Variants in TMEM185A observed in about 807,000 individuals in gnomAD.
TMEM185A encodes the protein family with sequence similarity 11, member A.
Under a neutral mutation model 25.0 loss-of-function variants are expected in TMEM185A, and 9 were observed. The ratio of observed to expected loss-of-function variants is 0.36; its 90% CI spans 0.22 to 0.63. The LOEUF (loss-of-function observed/expected upper bound fraction) is 0.63. Ranked by LOEUF, TMEM185A falls within the 20% of genes least tolerant of loss-of-function variation. The pLI, the probability that TMEM185A is intolerant of heterozygous loss-of-function variation, is 0.68. For synonymous variants in TMEM185A, 45 were observed against 93.5 expected (o/e 0.48, Z 2.99); for missense variants, 103 against 237.4 (o/e 0.43, Z 3.72).
intron 3 of TMEM185A, among the ~76,000 whole-genome samples, chrX:149,604,834 T>C (rs1048835459): frequency 1.8e-5 from 2 of 110,557 alleles, no homozygotes; most frequent in Non-Finnish European, 3.8e-5. Flanking sequence ...GGCATCCTAC[T>C]GATACTGTGG....
intron 3 of TMEM185A, chrX:149,605,280 C>A (rs781811557): frequency 3.1e-4 from 31 of 100,593 alleles, no homozygotes; most frequent in Non-Finnish European, 5.2e-4. Flanking sequence ...TATAGCCTCC[C>A]ATGTCACTTT....
At chrX:149,605,630 G>A (rs782736074) in intron 3 of TMEM185A, among the ~76,000 whole-genome samples, 4 of 111,856 alleles carry the variant, frequency 3.6e-5, no homozygotes, top group East Asian at 2.8e-4. Context: ...CCATGAGCCC[G>A]GGAATCACCC....
intron 1 of TMEM185A, among the ~76,000 whole-genome samples, chrX:149,616,105 A>G (rs1405208849): frequency 1.8e-5 from 2 of 112,013 alleles, no homozygotes; most frequent in African/African-American, 6.5e-5. Context: ...CAAATGCCCC[A>G]CCTCCAAATA....
chrX:149,627,051 C>T (rs1267543745), intron 1 of TMEM185A, among the ~76,000 whole-genome samples: 1 of 111,493 alleles, frequency 9.0e-6, no homozygotes, highest in African/African-American at 3.3e-5. Context: ...CAAAGAGGCC[C>T]CGCTCTTTCA....
At chrX:149,611,808 C>T (rs2090085186) in intron 1 of TMEM185A, among the ~76,000 whole-genome samples, 2 of 111,350 alleles carry the variant, frequency 1.8e-5, no homozygotes, top group African/African-American at 6.6e-5. Context: ...GAGCTGGTTC[C>T]AGAGGGCAAG....
At chrX:149,603,100 C>A (rs1191944966) in intron 4 of TMEM185A, among the ~76,000 whole-genome samples, 3 of 111,866 alleles carry the variant, frequency 2.7e-5, no homozygotes, top group African/African-American at 9.7e-5. Context: ...TAGTCTCCAT[C>A]TTTTTTCCAT....
intron 1 of TMEM185A, among the ~76,000 whole-genome samples, chrX:149,615,706 C>A (rs1474999396): frequency 8.9e-6 from 1 of 112,009 alleles, no homozygotes; most frequent in Non-Finnish European, 1.9e-5. Flanking sequence ...TTTACTGCAA[C>A]TTTCCTATAA....
chrX:149,618,850 A>T (rs1283874506), intron 1 of TMEM185A, among the ~76,000 whole-genome samples: 1 of 112,311 alleles, frequency 8.9e-6, no homozygotes, highest in African/African-American at 3.2e-5. Flanking sequence ...TTAATGTATG[A>T]TATCATAGAA....
intron 2 of TMEM185A, 67 bp from the exon 3 acceptor site, chrX:149,608,901 G>T: frequency 1.1e-6 from 1 of 919,932 alleles, no homozygotes; most frequent in South Asian, 2.3e-5. Flanking sequence ...AGCAGTTCAG[G>T]GCAAATACCA....
intron 1 of TMEM185A, among the ~76,000 whole-genome samples, chrX:149,611,750 C>T (rs1296299248): frequency 1.8e-5 from 2 of 111,926 alleles, no homozygotes; most frequent in South Asian, 7.5e-4. Context: ...AGAGGAAATA[C>T]AGACTGTGTC....
At chrX:149,608,348 T>TTAA in intron 3 of TMEM185A, 1 of 201,664 alleles carries the variant, frequency 5.0e-6, no homozygotes, top group Non-Finnish European at 8.9e-6. Context: ...TTTTTTTTTT[T>TTAA]AAGACGGAGT....
chrX:149,627,893 C>A (rs1326604369), intron 1 of TMEM185A, among the ~76,000 whole-genome samples: 2 of 112,156 alleles, frequency 1.8e-5, no homozygotes, highest in Non-Finnish European at 3.8e-5. Context: ...CTGTTAGAGG[C>A]CAGGTAGCTG....
At chrX:149,630,271 T>TGTGA (rs1318424028) in intron 1 of TMEM185A, among the ~76,000 whole-genome samples, 12 of 111,559 alleles carry the variant, frequency 1.1e-4, no homozygotes, top group African/African-American at 3.6e-4. Flanking sequence ...CAAGTTAAAA[T>TGTGA]GTCACCATCC....
chrX:149,608,929 G>A, intron 2 of TMEM185A, 95 bp from the exon 3 acceptor site: 6 of 788,089 alleles, frequency 7.6e-6, no homozygotes, highest in Non-Finnish European at 1.1e-5. Flanking sequence ...TTTATACTTT[G>A]AATTTTACTT....
intron 3 of TMEM185A, 151 bp from the exon 4 acceptor site, chrX:149,604,221 C>T: frequency 2.3e-6 from 1 of 426,470 alleles, no homozygotes; most frequent in Non-Finnish European, 4.1e-6. Context: ...ATTTTCGGTA[C>T]CAGAGGGGCA....
chrX:149,630,499 AGCACG>A, intron 1 of TMEM185A, among the ~76,000 whole-genome samples: 1 of 111,755 alleles, frequency 8.9e-6, no homozygotes, highest in Non-Finnish European at 1.9e-5. Flanking sequence ...ATATTTACTG[AGCACG>A]TCTTCCCAAC....
At chrX:149,613,253 A>T (rs73640681) in intron 1 of TMEM185A, among the ~76,000 whole-genome samples, 1,906 of 112,469 alleles carry the variant, frequency 0.017, 36 homozygotes, top group African/African-American at 0.059. Context: ...AGGTGTGCCC[A>T]GTGTAATCAC....
At chrX:149,625,557 C>A (rs782598479) in intron 1 of TMEM185A, among the ~76,000 whole-genome samples, 56 of 112,550 alleles carry the variant, frequency 5.0e-4, no homozygotes, top group African/African-American at 1.8e-3. Context: ...AACCTGCAGT[C>A]TGATCTTCTG....
intron 1 of TMEM185A, among the ~76,000 whole-genome samples, chrX:149,613,348 G>A (rs781873543): frequency 8.9e-6 from 1 of 112,185 alleles, no homozygotes; most frequent in East Asian, 2.8e-4. Flanking sequence ...TTCCAGACTT[G>A]AGAAGGATTC....
Sources: allele counts gnomAD v4.1 joint callset (sites outside exome capture counted in the v4.1 genomes callset), GRCh38; gene constraint gnomAD v4.1.1; transcripts MANE v1.5; gene names NCBI Gene and HGNC (gene_info 2026-07-23, HGNC 2026-07-21).